EBF2: variants seen among roughly 807,000 people sequenced by gnomAD.
EBF2 encodes the protein EBF transcription factor 2.
Under a neutral mutation model 72.8 loss-of-function variants are expected in EBF2, and 21 were observed. That is an observed-to-expected ratio of 0.29 (90% CI 0.20 to 0.42). The LOEUF (loss-of-function observed/expected upper bound fraction) is 0.42. Ranked by LOEUF, EBF2 falls within the 10% of genes least tolerant of loss-of-function variation. The pLI is 1.00. For synonymous variants in EBF2, 299 were observed against 274.2 expected (o/e 1.09, Z -0.89); for missense variants, 637 against 731.2 (o/e 0.87, Z 1.49).
intron 6 of EBF2, among the ~76,000 whole-genome samples, chr8:25,920,159 G>T (rs1306453647): frequency 6.6e-6 from 1 of 152,172 alleles, no homozygotes; most frequent in East Asian, 1.9e-4. Flanking sequence ...TACACAAAGG[G>T]TCATGGAAAT....
At chr8:26,035,311 A>T (rs1450648228) in intron 5 of EBF2, among the ~76,000 whole-genome samples, 1 of 151,992 alleles carries the variant, frequency 6.6e-6, no homozygotes, top group Non-Finnish European at 1.5e-5. Context: ...CACTTGGCTA[A>T]TTTTTTATTT....
At chr8:25,909,230 C>G (rs1341263268) in intron 6 of EBF2, among the ~76,000 whole-genome samples, 1 of 152,102 alleles carries the variant, frequency 6.6e-6, no homozygotes, top group Non-Finnish European at 1.5e-5. Context: ...CCAATATTCT[C>G]TCTTAAATGG....
chr8:26,038,254 A>T (rs1805537046), intron 5 of EBF2, among the ~76,000 whole-genome samples: 1 of 152,218 alleles, frequency 6.6e-6, no homozygotes, highest in Non-Finnish European at 1.5e-5. Flanking sequence ...ATTTATTTTA[A>T]ATTGTAGTTT....
At chr8:26,013,920 T>C (rs1805067772) in intron 6 of EBF2, among the ~76,000 whole-genome samples, 1 of 152,134 alleles carries the variant, frequency 6.6e-6, no homozygotes, top group Non-Finnish European at 1.5e-5. Flanking sequence ...TCAGGCTCTT[T>C]CCTTCAAACC....
chr8:26,032,959 T>C, intron 6 of EBF2, 126 bp downstream of exon 6: 1 of 838,452 alleles, frequency 1.2e-6, no homozygotes, highest in Non-Finnish European at 1.9e-6. Flanking sequence ...CTTTGTTGGA[T>C]GAGCTTAGTG....
At chr8:26,022,245 A>G (rs1226272267) in intron 6 of EBF2, among the ~76,000 whole-genome samples, 20 of 152,214 alleles carry the variant, frequency 1.3e-4, no homozygotes, top group Admixed American at 1.3e-3. Flanking sequence ...GGCCAGCTAC[A>G]CAGCTCCCAA....
At chr8:26,036,024 C>CAA (rs1263532471) in intron 5 of EBF2, among the ~76,000 whole-genome samples, 3 of 152,194 alleles carry the variant, frequency 2.0e-5, no homozygotes, top group African/African-American at 7.2e-5. Flanking sequence ...TACAGACCTT[C>CAA]AAGCAAGACT....
chr8:25,895,912 A>T (rs1449312401), intron 7 of EBF2, among the ~76,000 whole-genome samples: 1 of 130,082 alleles, frequency 7.7e-6, no homozygotes, highest in Non-Finnish European at 1.6e-5. Context: ...TTTTTGGAAC[A>T]CCGTGTGTGT....
chr8:25,962,410 G>A (rs142897007), intron 6 of EBF2, among the ~76,000 whole-genome samples: 12 of 152,160 alleles, frequency 7.9e-5, no homozygotes, highest in Non-Finnish European at 1.2e-4. Context: ...GTAAATATGC[G>A]GGGTCCCAAG....
At chr8:25,902,685 T>A (rs1802975344) in intron 7 of EBF2, among the ~76,000 whole-genome samples, 1 of 152,148 alleles carries the variant, frequency 6.6e-6, no homozygotes, top group Non-Finnish European at 1.5e-5. Context: ...GATGATGTGA[T>A]AACTGGCAGG....
chr8:25,852,265 G>C lies in EBF2; in HGVS notation c.1529-1504C>G, dbSNP rs181069670. 6.6e-5 allele frequency among the ~76,000 whole-genome samples: 10 copies of C among 152,280 alleles called. No individual in the cohort carries two copies. In the East Asian group the frequency reaches 1.7e-3, roughly 26 times the overall value. ...AGGAGTGGGTCTTATTCATGGTTCT[G>C]AGCAAAATCTCTTCTAGCCTTGGGT... On this transcript the variant is annotated intron_variant, in intron 14 of 15. Coordinates refer to ENST00000520164, the MANE Select transcript of EBF2 (RefSeq NM_022659.4).
At chr8:25,943,330 A>AG (rs796275043) in intron 6 of EBF2, among the ~76,000 whole-genome samples, 1 of 144,978 alleles carries the variant, frequency 6.9e-6, no homozygotes, top group Non-Finnish European at 1.5e-5. Flanking sequence ...AAAAAAAAAA[A>AG]AAAGAAAGAA....
At chr8:25,967,157 G>A (rs1483223916) in intron 6 of EBF2, among the ~76,000 whole-genome samples, 4 of 152,290 alleles carry the variant, frequency 2.6e-5, no homozygotes, top group South Asian at 2.1e-4. Flanking sequence ...TTGCTACAGG[G>A]GAACTAACAT....
intron 7 of EBF2, among the ~76,000 whole-genome samples, chr8:25,903,854 T>A (rs533757911): frequency 6.6e-6 from 1 of 152,348 alleles, no homozygotes; most frequent in South Asian, 2.1e-4. Context: ...CAGTGAGTTC[T>A]GTTTTGAACA....
chr8:25,861,693 G>T (rs1322441140), intron 11 of EBF2, among the ~76,000 whole-genome samples: 1 of 152,110 alleles, frequency 6.6e-6, no homozygotes, highest in African/African-American at 2.4e-5. Flanking sequence ...GCTACTTTCA[G>T]CCCATTCTGT....
intron 5 of EBF2, among the ~76,000 whole-genome samples, chr8:26,035,370 G>A (rs887618061): frequency 2.0e-5 from 3 of 151,968 alleles, no homozygotes; most frequent in Admixed American, 1.3e-4. Flanking sequence ...GGCTGATCTC[G>A]AACTCCTAGG....
intron 6 of EBF2, among the ~76,000 whole-genome samples, chr8:26,028,958 T>C (rs748429183): frequency 6.6e-6 from 1 of 152,194 alleles, no homozygotes; most frequent in Admixed American, 6.5e-5. Flanking sequence ...GAGAGGGGCA[T>C]AGTTGCCCAA....
At chr8:25,888,240 G>A (rs1585182666) in intron 8 of EBF2, among the ~76,000 whole-genome samples, 1 of 152,188 alleles carries the variant, frequency 6.6e-6, no homozygotes, top group Non-Finnish European at 1.5e-5. Flanking sequence ...TCAAAGGGCT[G>A]GACACCCGTA....
intron 6 of EBF2, among the ~76,000 whole-genome samples, chr8:25,945,719 A>G (rs1379662429): frequency 6.6e-6 from 1 of 151,910 alleles, no homozygotes; most frequent in African/African-American, 2.4e-5. Context: ...TGAAATTATG[A>G]AAAGAAAATG....
Sources: gnomAD v4.1 joint callset for allele counts (sites outside exome capture counted in the v4.1 genomes callset) on GRCh38, gnomAD v4.1.1 for gene constraint, MANE v1.5 for transcripts, NCBI Gene and HGNC (gene_info 2026-07-23, HGNC 2026-07-21) for gene names.